Variants in UGT1A9 observed in about 807,000 individuals in gnomAD.
The protein encoded by UGT1A9 is UDP-glucuronosyltransferase 1A9.
In UGT1A9, 35 loss-of-function variants were observed where a neutral mutation model predicts 45.0. The ratio of observed to expected loss-of-function variants is 0.78; its 90% CI spans 0.59 to 1.03. The LOEUF (loss-of-function observed/expected upper bound fraction) is 1.03. Among genes scored for constraint, UGT1A9 ranks in the 50% least tolerant of loss-of-function variants. The pLI is 0.00. For missense variants in UGT1A9, 687 were observed against 666.6 expected (o/e 1.03, Z -0.34); for synonymous variants, 278 against 250.6 (o/e 1.11, Z -1.03).
In UGT1A9 at chr2:233,772,377, C is replaced by T. The variant is rs72551359; in HGVS notation, c.1411C>T (p.Leu471=). The T allele has an allele frequency of 6.2e-7, 1 of 1,614,256 alleles. No homozygotes were observed. Among genetic ancestry groups the T allele is most frequent in the Non-Finnish European group, 8.5e-7 (1 of 1,180,050 alleles). The change falls in exon 5 of 5, where the codon CTG becomes TTG. Residue 471 remains leucine (L), a synonymous_variant. Coordinates refer to ENST00000354728, the MANE Select transcript of UGT1A9 (RefSeq NM_021027.3). The stretch of plus-strand genomic sequence containing the variant: ...GATGAGGCACAAGGGCGCGCCACAC[C>T]TGCGCCCCGCAGCCCACGACCTCAC... ...FVMRHKGAPH[L]RPAAHDLTWY...
At chr2:233,768,197 A>G in intron 3 of UGT1A9, 23 bp from the exon 4 acceptor site, 3 of 1,614,174 alleles carry the variant, frequency 1.9e-6, no homozygotes, top group Non-Finnish European at 2.5e-6. Context: ...AACTGCTGAC[A>G]TCCTCCCTAT....
chr2:233,747,281 A>G, intron 1 of UGT1A9: 1 of 1,599,850 alleles, frequency 6.3e-7, no homozygotes, highest in Non-Finnish European at 8.5e-7. Context: ...CTCAGTGCCC[A>G]GCCCTGGGCT....
At position 233,769,766 on chromosome 2, in the gene UGT1A9, G is replaced by A; in HGVS notation, c.1295+1327G>A. On this transcript the variant is annotated intron_variant, in intron 4 of 4. Transcript: ENST00000354728. The surrounding 1 kb of genome is among the most constrained non-coding windows in gnomAD (Gnocchi z 4.4). The stretch of plus-strand genomic sequence containing the variant: ...GCCACTCTGGAGGCTAAGGCGGGAG[G>A]ATTGCTTGAGCCCAGAAGTTGGAGG... The A allele has an allele frequency of 1.4e-6, 2 of 1,395,536 alleles. No homozygotes were observed. Among genetic ancestry groups the A allele is most frequent in the South Asian group, 1.6e-5 (1 of 62,382 alleles). The allele number at this position is 1,395,536 out of a possible 1,614,324, so 86.4% of individuals were successfully genotyped here.
intron 1 of UGT1A9, among the ~76,000 whole-genome samples, chr2:233,758,868 C>T (rs1697003822): frequency 1.3e-5 from 2 of 152,158 alleles, no homozygotes; most frequent in South Asian, 4.1e-4. Context: ...ACAATACTTG[C>T]CCCATAGTCC....
intron 1 of UGT1A9, among the ~76,000 whole-genome samples, chr2:233,722,610 G>T (rs1001116668): frequency 5.9e-5 from 9 of 152,028 alleles, no homozygotes; most frequent in Non-Finnish European, 1.3e-4. Context: ...CTTTACATTT[G>T]ATTTTTCTTA....
intron 1 of UGT1A9, chr2:233,692,179 T>C (rs990678546): frequency 1.3e-5 from 2 of 152,300 alleles, no homozygotes; most frequent in African/African-American, 4.8e-5. Context: ...TCAGAGAGCT[T>C]TCAGGTTGCT....
In UGT1A9 at chr2:233,772,554, C is replaced by T. The variant is rs768200668; in HGVS notation, c.1588C>T (p.His530Tyr). 6.2e-7 allele frequency: 1 copy of T among 1,613,984 alleles called. No homozygotes were observed. The highest frequency in any genetic ancestry group is 1.1e-5 in the South Asian group (1 of 91,072). ...TAAGAAAGCCCACAAATCCAAGACC[C>T]ATTGAGAAGTGGGTGGGAAATAAGG... Reference protein sequence around the residue: ...RVKKAHKSKTH With the variant: ...RVKKAHKSKTY The change falls in exon 5 of 5, where the codon CAT (histidine) becomes TAT (tyrosine). Residue 530 changes from histidine (H) to tyrosine (Y), a missense_variant. Physicochemically the swap from His to Tyr is moderately conservative, Grantham distance 83. Coordinates refer to ENST00000354728, the MANE Select transcript of UGT1A9 (RefSeq NM_021027.3).
In UGT1A9 at chr2:233,703,900, T is replaced by G. The variant is rs556559029; in HGVS notation, c.855+31111T>G. On this transcript the variant is annotated intron_variant, in intron 1 of 4. Transcript: ENST00000354728. ...GTCTACCATCATTTTTTTCTTTTCT[T>G]TTTTTTTTGAGACAAAATCTCATTC... 2.0e-5 allele frequency among the ~76,000 whole-genome samples: 3 copies of G among 151,044 alleles called. No homozygotes were observed. The East Asian group carries it at 5.8e-4, about 29-fold the overall frequency.
At chr2:233,711,835 G>A (rs149400797) in intron 1 of UGT1A9, among the ~76,000 whole-genome samples, 51 of 152,330 alleles carry the variant, frequency 3.3e-4, no homozygotes, top group Non-Finnish European at 6.3e-4. Context: ...ACAAGGAGGC[G>A]TCAGCAATCT....
At chr2:233,690,671 C>T in intron 1 of UGT1A9, 2 of 1,267,248 alleles carry the variant, frequency 1.6e-6, no homozygotes, top group Non-Finnish European at 1.0e-6. Context: ...CCAGGGCAGG[C>T]CTGGGTCTCC....
chr2:233,683,351 C>G (rs1194537365), intron 1 of UGT1A9, among the ~76,000 whole-genome samples: 1 of 152,090 alleles, frequency 6.6e-6, no homozygotes, highest in South Asian at 2.1e-4. Flanking sequence ...GTAGTCTTTA[C>G]TTTGGATGCA....
chr2:233,753,809 G>A (rs1297655785), intron 1 of UGT1A9, among the ~76,000 whole-genome samples: 1 of 152,202 alleles, frequency 6.6e-6, no homozygotes, highest in Non-Finnish European at 1.5e-5. Context: ...CATAGTTGGA[G>A]AACCACGTTA....
intron 1 of UGT1A9, among the ~76,000 whole-genome samples, chr2:233,681,148 C>G (rs1481632068): frequency 6.6e-6 from 1 of 151,744 alleles, no homozygotes; most frequent in African/African-American, 2.4e-5. Flanking sequence ...CAATTTCCTC[C>G]CAGTTAGGAG....
At chr2:233,757,560 A>ATATATATATATG (rs904896556) in intron 1 of UGT1A9, among the ~76,000 whole-genome samples, 14 of 123,154 alleles carry the variant, frequency 1.1e-4, no homozygotes, top group African/African-American at 4.8e-4. Context: ...ATATATATAT[A>ATATATATATATG]TGTATATATG....
Position 233,689,112 on chromosome 2 carries a change from A to G in UGT1A9, c.855+16323A>G, listed in dbSNP as rs1053496103. 3.3e-5 allele frequency among the ~76,000 whole-genome samples: 5 copies of G among 152,200 alleles called. No homozygotes were observed. The South Asian group carries it at 8.3e-4, about 25-fold the overall frequency. On this transcript the variant is annotated intron_variant, in intron 1 of 4. Coordinates refer to ENST00000354728, the MANE Select transcript of UGT1A9 (RefSeq NM_021027.3). ...TGTGCCCCTCCCCACTGCTCCTGGA[A>G]CCACAACCCACATTGTTACAAGCCC... is the stretch of plus-strand genomic sequence containing the variant.
At chr2:233,765,924 G>A (rs1285485148) in intron 1 of UGT1A9, among the ~76,000 whole-genome samples, 9 of 152,180 alleles carry the variant, frequency 5.9e-5, no homozygotes, top group Middle Eastern at 3.4e-3. Context: ...GCATACAGAC[G>A]GGCAGGTTGT....
intron 1 of UGT1A9, chr2:233,722,101 G>A: frequency 1.0e-5 from 2 of 200,878 alleles, no homozygotes; most frequent in Non-Finnish European, 1.0e-5. Context: ...AGGCCTCTTA[G>A]AGGAAGAGCT....
intron 1 of UGT1A9, chr2:233,713,735 T>C: frequency 6.2e-7 from 1 of 1,613,944 alleles, no homozygotes; most frequent in African/African-American, 1.3e-5. Context: ...TGGTGGATCT[T>C]GTCAGCCATG....
At chr2:233,713,708 T>C in intron 1 of UGT1A9, 4 of 1,613,978 alleles carry the variant, frequency 2.5e-6, no homozygotes, top group Non-Finnish European at 3.4e-6. Context: ...CTGAGCTTTT[T>C]CAGAGAGAGG....
Sources: gnomAD v4.1 joint callset for allele counts (sites outside exome capture counted in the v4.1 genomes callset) on GRCh38, gnomAD v4.1.1 for gene constraint, Gnocchi (gnomAD v3.1) non-coding constraint, MANE v1.5 for transcripts, NCBI Gene and HGNC (gene_info 2026-07-23, HGNC 2026-07-21) for gene names.